ENTREP2: variants seen among roughly 807,000 people sequenced by gnomAD.
The protein encoded by ENTREP2 is protein ENTREP2.
the ENTREP2 span, among the ~76,000 whole-genome samples, chr15:29,172,129 T>C: frequency 1.3e-5 from 2 of 152,164 alleles, no homozygotes; most frequent in Non-Finnish European, 2.9e-5. Flanking sequence ...GATTTGAGCC[T>C]GCTTGAAAGA....
At chr15:29,159,748 CTGAT>C in the ENTREP2 span, among the ~76,000 whole-genome samples, 1 of 152,204 alleles carries the variant, frequency 6.6e-6, no homozygotes, top group South Asian at 2.1e-4. Context: ...ACACAGGGTG[CTGAT>C]TGGTGTGTTT....
the ENTREP2 span, among the ~76,000 whole-genome samples, chr15:29,453,765 G>A: frequency 1.3e-5 from 2 of 152,210 alleles, no homozygotes; most frequent in South Asian, 2.1e-4. Context: ...CTACTGTATA[G>A]CAGGAATCTT....
chr15:29,293,056 G>C, the ENTREP2 span, among the ~76,000 whole-genome samples: 2 of 152,174 alleles, frequency 1.3e-5, no homozygotes, highest in Non-Finnish European at 2.9e-5. Context: ...GCACAAAAAG[G>C]CTGGGTCTAT....
the ENTREP2 span, among the ~76,000 whole-genome samples, chr15:29,238,317 G>C: frequency 2.6e-5 from 4 of 152,084 alleles, no homozygotes; most frequent in Non-Finnish European, 5.9e-5. Flanking sequence ...CCTTAAATGG[G>C]TGAATTATAT....
At chr15:29,419,462 T>C in the ENTREP2 span, among the ~76,000 whole-genome samples, 6 of 151,112 alleles carry the variant, frequency 4.0e-5, no homozygotes, top group African/African-American at 1.5e-4. Flanking sequence ...GAAAAAAAAA[T>C]TTAAGAGGAT....
chr15:29,315,920 G>A, the ENTREP2 span, among the ~76,000 whole-genome samples: 1 of 141,922 alleles, frequency 7.0e-6, no homozygotes, highest in African/African-American at 2.6e-5. Context: ...CGTACATGCA[G>A]TATGTGTACA....
the ENTREP2 span, among the ~76,000 whole-genome samples, chr15:29,167,855 G>A: frequency 6.6e-6 from 1 of 152,170 alleles, no homozygotes; most frequent in African/African-American, 2.4e-5. Context: ...ATATGAGGAA[G>A]ATACTTGCAC....
chr15:29,228,496 T>C, the ENTREP2 span, among the ~76,000 whole-genome samples: 1 of 152,166 alleles, frequency 6.6e-6, no homozygotes, highest in Non-Finnish European at 1.5e-5. Flanking sequence ...CTATTAGGGA[T>C]GATGAAAAAG....
chr15:29,671,877 G>T, the ENTREP2 span, among the ~76,000 whole-genome samples: 1 of 152,182 alleles, frequency 6.6e-6, no homozygotes, highest in African/African-American at 2.4e-5. Context: ...CCCCCAAGGA[G>T]CCCCCGTCTG....
chr15:29,641,259 T>A, the ENTREP2 span, among the ~76,000 whole-genome samples: 1 of 152,174 alleles, frequency 6.6e-6, no homozygotes, highest in Non-Finnish European at 1.5e-5. Flanking sequence ...AAGATCAAGA[T>A]GTCTGTTCTT....
chr15:29,284,536 G>A, the ENTREP2 span, among the ~76,000 whole-genome samples: 1 of 138,488 alleles, frequency 7.2e-6, no homozygotes, highest in African/African-American at 2.7e-5. Flanking sequence ...CAGCCTGGGT[G>A]ACAGAGAGAG....
the ENTREP2 span, among the ~76,000 whole-genome samples, chr15:29,665,733 C>T: frequency 6.6e-6 from 1 of 152,030 alleles, no homozygotes; most frequent in Non-Finnish European, 1.5e-5. Context: ...ATTTTTTTTC[C>T]TGCTTCTGTG....
chr15:29,248,226 A>C, the ENTREP2 span, among the ~76,000 whole-genome samples: 7 of 152,110 alleles, frequency 4.6e-5, no homozygotes, highest in Admixed American at 2.0e-4. Context: ...TAAAATACTA[A>C]AGAGTTAACT....
chr15:29,435,170 C>T, the ENTREP2 span, among the ~76,000 whole-genome samples: 1 of 152,128 alleles, frequency 6.6e-6, no homozygotes, highest in Non-Finnish European at 1.5e-5. Context: ...CTTTTCCCTC[C>T]CATTTTCTTT....
chr15:29,196,466 C>T, the ENTREP2 span: 1 of 1,551,730 alleles, frequency 6.4e-7, no homozygotes, highest in Non-Finnish European at 8.7e-7. Context: ...AGTTCTCCTG[C>T]AGCGGGTTCA....
chr15:29,237,641 A>G, the ENTREP2 span, among the ~76,000 whole-genome samples: 3 of 152,198 alleles, frequency 2.0e-5, no homozygotes, highest in African/African-American at 7.2e-5. Context: ...AGGATGGCTT[A>G]AAACAAAGTC....
At chr15:29,350,966 T>C in the ENTREP2 span, among the ~76,000 whole-genome samples, 1 of 152,034 alleles carries the variant, frequency 6.6e-6, no homozygotes, top group South Asian at 2.1e-4. Context: ...ATATATATAA[T>C]ACACATACAT....
At chr15:29,203,078 T>C in the ENTREP2 span, among the ~76,000 whole-genome samples, 1 of 152,232 alleles carries the variant, frequency 6.6e-6, no homozygotes, top group African/African-American at 2.4e-5. Context: ...TCCACAATGG[T>C]TGAACTAATT....
the ENTREP2 span, among the ~76,000 whole-genome samples, chr15:29,599,115 A>G: frequency 6.6e-6 from 1 of 152,252 alleles, no homozygotes; most frequent in Non-Finnish European, 1.5e-5. Flanking sequence ...GAGGATTTTT[A>G]AACCATATTC....
Sources: gnomAD v4.1 joint callset for allele counts (sites outside exome capture counted in the v4.1 genomes callset) on GRCh38, gnomAD v4.1.1 for gene constraint, MANE v1.5 for transcripts, NCBI Gene and HGNC (gene_info 2026-07-23, HGNC 2026-07-21) for gene names.